The following NFATC1 variants were observed in gnomAD, a reference collection of about 807,000 sequenced individuals.
NFATC1 encodes the protein nuclear factor of activated T-cells, cytoplasmic 1.
Under a neutral mutation model 76.0 loss-of-function variants are expected in NFATC1, and 22 were observed. That is an observed-to-expected ratio of 0.29 (90% CI 0.21 to 0.41). The LOEUF (loss-of-function observed/expected upper bound fraction) is 0.41, where lower values mean the gene tolerates loss of function less well. Ranked by LOEUF, NFATC1 falls within the 10% of genes least tolerant of loss-of-function variation. NFATC1 has a pLI of 1.00. For missense variants in NFATC1, 1,357 were observed against 1,337.7 expected (o/e 1.01, Z -0.23); for synonymous variants, 704 against 613.1 (o/e 1.15, Z -2.19).
intron 9 of NFATC1, among the ~76,000 whole-genome samples, chr18:79,516,715 CAT>C (rs1047087353): frequency 1.3e-5 from 2 of 152,220 alleles, no homozygotes; most frequent in East Asian, 1.9e-4. Context: ...AAAAAACCCA[CAT>C]GAGAGGCGGC....
At chr18:79,406,634 G>A (rs980703059) in intron 1 of NFATC1, among the ~76,000 whole-genome samples, 8 of 152,240 alleles carry the variant, frequency 5.3e-5, no homozygotes, top group East Asian at 3.8e-4. Context: ...TGTATGTAAT[G>A]TGGCGTTTTT....
intron 2 of NFATC1, among the ~76,000 whole-genome samples, chr18:79,423,021 G>A (rs2086153814): frequency 6.6e-6 from 1 of 151,758 alleles, no homozygotes; most frequent in South Asian, 2.1e-4. Flanking sequence ...CAGTGTTGGG[G>A]GCTGCTGGGC....
intron 9 of NFATC1, among the ~76,000 whole-genome samples, chr18:79,512,191 C>T (rs984837715): frequency 5.3e-5 from 8 of 151,900 alleles, no homozygotes; most frequent in South Asian, 4.2e-4. Context: ...CCCCAGGACA[C>T]GGCCTCACCC....
chr18:79,510,136 C>T (rs563635811), intron 9 of NFATC1, among the ~76,000 whole-genome samples: 4 of 152,200 alleles, frequency 2.6e-5, no homozygotes, highest in Non-Finnish European at 5.9e-5. Context: ...ATAGCCCCCC[C>T]CAAGGAGGAA....
intron 9 of NFATC1, among the ~76,000 whole-genome samples, chr18:79,506,072 T>C (rs1163801553): frequency 6.6e-6 from 1 of 152,198 alleles, no homozygotes; most frequent in Non-Finnish European, 1.5e-5. Context: ...GAATGCTGTG[T>C]GTTTAGGGAG....
intron 1 of NFATC1, among the ~76,000 whole-genome samples, chr18:79,405,081 C>T (rs922502509): frequency 2.6e-5 from 4 of 152,116 alleles, no homozygotes; most frequent in Admixed American, 6.5e-5. Flanking sequence ...GGGTGCTCCC[C>T]GCGTGGCCGT....
In NFATC1 at chr18:79,486,388, G is replaced by T. The variant is rs55839918; in HGVS notation, c.2233G>T (p.Val745Leu). The T allele has an allele frequency of 6.2e-7, 1 of 1,612,864 alleles. No homozygotes were observed. Among genetic ancestry groups the T allele is most frequent in the Non-Finnish European group, 8.5e-7 (1 of 1,179,968 alleles). Reference sequence around the variant, plus strand: ...GCCACCCGACCCCAGCTCCTGCCTCGTGGCCGGCTTCCCGCCCTGTCCGCA... The same window carrying T: ...GCCACCCGACCCCAGCTCCTGCCTCTTGGCCGGCTTCCCGCCCTGTCCGCA... ...AMPPDPSSCLVAGFPPCPQRS... is the reference protein window; with the variant it reads ...AMPPDPSSCLLAGFPPCPQRS... The change falls in exon 9 of 10, where the codon GTG becomes TTG. Residue 745 changes from valine (V) to leucine (L), a missense_variant. Physicochemically the swap from Val to Leu is conservative, Grantham distance 32 (BLOSUM62 1). This residue lies in a region of NFATC1 where 424 missense variants were observed against 395.4 expected (regional missense o/e 1.07). Coordinates refer to ENST00000427363, the MANE Select transcript of NFATC1 (RefSeq NM_001278669.2).
intron 1 of NFATC1, among the ~76,000 whole-genome samples, chr18:79,400,679 G>GT (rs1378277643): frequency 4.9e-5 from 3 of 61,170 alleles, no homozygotes; most frequent in African/African-American, 1.3e-4. Flanking sequence ...TCGCGGCGGG[G>GT]TCCTGGGGGA....
At chr18:79,458,394 G>A (rs940315172) in intron 6 of NFATC1, among the ~76,000 whole-genome samples, 19 of 152,218 alleles carry the variant, frequency 1.2e-4, no homozygotes, top group Admixed American at 1.1e-3. Flanking sequence ...ACCCAGGGAC[G>A]CTGCTGCTTC....
intron 6 of NFATC1, among the ~76,000 whole-genome samples, chr18:79,458,546 G>T (rs577404409): frequency 3.3e-5 from 5 of 152,242 alleles, no homozygotes; most frequent in African/African-American, 9.6e-5. Flanking sequence ...TGGAAACCTC[G>T]CGGGTGTGGC....
chr18:79,426,516 G>A (rs912057008), intron 2 of NFATC1, among the ~76,000 whole-genome samples: 1 of 152,210 alleles, frequency 6.6e-6, no homozygotes, highest in Non-Finnish European at 1.5e-5. Context: ...GGACTCGCAG[G>A]GCCTGGCAGG....
chr18:79,425,067 TTCTC>T (rs939204871), intron 2 of NFATC1, among the ~76,000 whole-genome samples: 3 of 77,008 alleles, frequency 3.9e-5, no homozygotes, highest in South Asian at 7.2e-4. Flanking sequence ...CTCTCTCTGT[TTCTC>T]TCTCTGTCTC....
chr18:79,504,600 C>T (rs1381550102), intron 9 of NFATC1, among the ~76,000 whole-genome samples: 1 of 152,238 alleles, frequency 6.6e-6, no homozygotes, highest in Non-Finnish European at 1.5e-5. Flanking sequence ...AAACGTGACA[C>T]AGAGATATGA....
At chr18:79,512,321 C>T (rs114089369) in intron 9 of NFATC1, among the ~76,000 whole-genome samples, 1,772 of 152,324 alleles carry the variant, frequency 0.012, 41 homozygotes, top group African/African-American at 0.04. Context: ...AAAATCCTGG[C>T]ACCACCTGGC....
chr18:79,491,387 C>A (rs1213084085), intron 9 of NFATC1, among the ~76,000 whole-genome samples: 1 of 152,192 alleles, frequency 6.6e-6, no homozygotes, highest in African/African-American at 2.4e-5. Context: ...GCCAAGTGTC[C>A]TCAGCGGGTG....
intron 6 of NFATC1, among the ~76,000 whole-genome samples, chr18:79,458,186 C>T (rs2087838757): frequency 6.6e-6 from 1 of 152,228 alleles, no homozygotes; most frequent in African/African-American, 2.4e-5. Flanking sequence ...CCTCCAGAAT[C>T]TCCTCTGGGA....
intron 6 of NFATC1, among the ~76,000 whole-genome samples, chr18:79,460,536 G>A (rs1244484240): frequency 1.3e-5 from 2 of 152,202 alleles, no homozygotes; most frequent in South Asian, 2.1e-4. Flanking sequence ...AGCACAACGC[G>A]TCCTTTCACT....
At chr18:79,520,792 G>GTGGA (rs1569052948) in intron 9 of NFATC1, among the ~76,000 whole-genome samples, 1 of 70,182 alleles carries the variant, frequency 1.4e-5, no homozygotes, top group Non-Finnish European at 2.6e-5. Context: ...TGTGTGGGGG[G>GTGGA]GCATCCACTG....
At chr18:79,433,770 T>C in intron 3 of NFATC1, 32 bp downstream of exon 3, 2 of 1,590,046 alleles carry the variant, frequency 1.3e-6, no homozygotes, top group Non-Finnish European at 1.7e-6. Context: ...GCACGTCACT[T>C]GGTGCTTTTG....
Sources: gnomAD v4.1 joint callset for allele counts (sites outside exome capture counted in the v4.1 genomes callset) on GRCh38, gnomAD v4.1.1 for gene constraint, gnomAD v4.1.1 regional missense constraint, MANE v1.5 for transcripts, NCBI Gene and HGNC (gene_info 2026-07-23, HGNC 2026-07-21) for gene names.